The following MLLT3 variants were observed in gnomAD, a reference collection of about 807,000 sequenced individuals.
MLLT3 encodes the protein protein AF-9.
Under a neutral mutation model 53.2 loss-of-function variants are expected in MLLT3, and 4 were observed. The ratio of observed to expected loss-of-function variants is 0.08; its 90% confidence interval spans 0.04 to 0.17. The LOEUF is 0.17. Among genes scored for constraint, MLLT3 ranks in the 10% least tolerant of loss-of-function variants. The pLI, the probability that MLLT3 is intolerant of heterozygous loss-of-function variation, is 1.00. For synonymous variants in MLLT3, 283 were observed against 230.6 expected (o/e 1.23, Z -2.06); for missense variants, 569 against 684.0 (o/e 0.83, Z 1.87).
intron 2 of MLLT3, among the ~76,000 whole-genome samples, chr9:20,507,061 T>C (rs1446215025): frequency 6.6e-6 from 1 of 152,212 alleles, no homozygotes; most frequent in Admixed American, 6.5e-5. Flanking sequence ...CTAAAACCTT[T>C]AACAAGTAGG....
chr9:20,608,913 T>C (rs2188230), intron 2 of MLLT3, among the ~76,000 whole-genome samples: 81,275 of 151,722 alleles, frequency 0.54, 21,947 homozygotes, highest in Middle Eastern at 0.57. Context: ...CGATAGTATT[T>C]CTTCCCATCT....
chr9:20,346,627 GC>G, intron 10 of MLLT3, 53 bp from the exon 11 acceptor site: 1 of 1,573,910 alleles, frequency 6.4e-7, no homozygotes, highest in Non-Finnish European at 8.7e-7. Flanking sequence ...ACATCAAAAG[GC>G]AAAGAGAGAG....
intron 2 of MLLT3, among the ~76,000 whole-genome samples, chr9:20,486,219 CA>C (rs1304043942): frequency 6.6e-6 from 1 of 151,982 alleles, no homozygotes; most frequent in African/African-American, 2.4e-5. Context: ...AGGTAATATA[CA>C]AAAATATATA....
At chr9:20,369,976 CT>C (rs1456431099) in intron 5 of MLLT3, among the ~76,000 whole-genome samples, 2 of 152,154 alleles carry the variant, frequency 1.3e-5, no homozygotes, top group Non-Finnish European at 2.9e-5. Flanking sequence ...ATTTTTTCCC[CT>C]TCTTAATATA....
chr9:20,391,808 A>T (rs956502855), intron 5 of MLLT3, among the ~76,000 whole-genome samples: 1 of 152,222 alleles, frequency 6.6e-6, no homozygotes, highest in Non-Finnish European at 1.5e-5. Flanking sequence ...TAGAAGGAAG[A>T]TGTGTATGTG....
rs111940935 is a variant in MLLT3 at position 20,502,255 on chromosome 9, G to A, written c.194-45469C>T. On this transcript the variant is annotated intron_variant, in intron 2 of 10. Coordinates refer to ENST00000380338, the MANE Select transcript of MLLT3 (RefSeq NM_004529.4). Reference sequence around the variant, plus strand: ...ACCACAAATGAACCTGACTTGAAGTGTGGTTCCAGGTGCCTACCTTGTTAG... The same window carrying A: ...ACCACAAATGAACCTGACTTGAAGTATGGTTCCAGGTGCCTACCTTGTTAG... The A allele has an allele frequency of 8.0e-3, 1,236 of 154,330 alleles. 22 individuals are homozygous for A. Among genetic ancestry groups the A allele is most frequent in the African/African-American group, 0.027 (1,120 of 41,598 alleles). The allele number at this position is 154,330 out of a possible 1,614,324, so 9.6% of individuals were successfully genotyped here.
At chr9:20,389,819 A>C (rs1822141103) in intron 5 of MLLT3, among the ~76,000 whole-genome samples, 1 of 152,180 alleles carries the variant, frequency 6.6e-6, no homozygotes, top group Admixed American at 6.5e-5. Context: ...AGGGAAAGAA[A>C]ACCACTTTAA....
At chr9:20,351,907 G>A (rs1254520605) in intron 10 of MLLT3, among the ~76,000 whole-genome samples, 2 of 152,166 alleles carry the variant, frequency 1.3e-5, no homozygotes, top group Non-Finnish European at 2.9e-5. Flanking sequence ...TGCATTACAA[G>A]GCAAAAGGCC....
intron 2 of MLLT3, among the ~76,000 whole-genome samples, chr9:20,494,189 TGATTCCTAG>T (rs1825020198): frequency 6.6e-6 from 1 of 152,188 alleles, no homozygotes; most frequent in African/African-American, 2.4e-5. Context: ...TTGGCTTCCA[TGATTCCTAG>T]GAATTCTTTT....
At chr9:20,515,023 C>A (rs536701835) in intron 2 of MLLT3, among the ~76,000 whole-genome samples, 1 of 149,824 alleles carries the variant, frequency 6.7e-6, no homozygotes, top group South Asian at 2.1e-4. Flanking sequence ...CTCGGCTCAC[C>A]GCAACCTCTG....
chr9:20,469,353 G>A (rs1231315683), intron 2 of MLLT3, among the ~76,000 whole-genome samples: 2 of 152,052 alleles, frequency 1.3e-5, no homozygotes, highest in African/African-American at 2.4e-5. Context: ...GGCATAGCAC[G>A]TTATGTAAAA....
intron 2 of MLLT3, among the ~76,000 whole-genome samples, chr9:20,473,831 C>G (rs1198675565): frequency 6.6e-6 from 1 of 152,068 alleles, no homozygotes; most frequent in African/African-American, 2.4e-5. Flanking sequence ...TCATATACAA[C>G]AATGAAGTAC....
At chr9:20,544,717 C>A (rs1422868186) in intron 2 of MLLT3, among the ~76,000 whole-genome samples, 1 of 152,186 alleles carries the variant, frequency 6.6e-6, no homozygotes, top group Non-Finnish European at 1.5e-5. Context: ...TAGGATTCAG[C>A]AATCCCATTT....
intron 5 of MLLT3, among the ~76,000 whole-genome samples, chr9:20,401,306 T>C (rs1460507821): frequency 6.6e-6 from 1 of 152,222 alleles, no homozygotes; most frequent in East Asian, 1.9e-4. Context: ...ATTTTCTAAT[T>C]TAGGTTAATA....
At position 20,520,723 on chromosome 9, in the gene MLLT3, G is replaced by C. The variant is rs1359209077; in HGVS notation, c.194-63937C>G. On this transcript the variant is annotated intron_variant, in intron 2 of 10. Transcript: ENST00000380338. ...ACTGAGTCTTCAATTAGGAGCACAAGTTAGCCAATCCTAAGAAAAAGGGGA... is the reference window on the plus strand; with the variant it reads ...ACTGAGTCTTCAATTAGGAGCACAACTTAGCCAATCCTAAGAAAAAGGGGA... Among the ~76,000 whole-genome samples the C allele has an allele frequency of 3.9e-5, 6 of 152,180 alleles. No individual in the cohort carries two copies. In the East Asian group the frequency reaches 1.2e-3, roughly 29 times the overall value.
At chr9:20,550,749 A>C (rs1432097675) in intron 2 of MLLT3, among the ~76,000 whole-genome samples, 2 of 151,634 alleles carry the variant, frequency 1.3e-5, no homozygotes, top group Non-Finnish European at 1.5e-5. Flanking sequence ...ACAAAGTCTT[A>C]TTTATTTTAT....
chr9:20,497,516 A>C (rs1586996222), intron 2 of MLLT3, among the ~76,000 whole-genome samples: 1 of 152,186 alleles, frequency 6.6e-6, no homozygotes, highest in East Asian at 1.9e-4. Context: ...TGCATTTTAT[A>C]GAATTTTGTA....
intron 2 of MLLT3, among the ~76,000 whole-genome samples, chr9:20,608,187 G>C (rs1236343755): frequency 6.6e-6 from 1 of 151,762 alleles, no homozygotes; most frequent in Non-Finnish European, 1.5e-5. Flanking sequence ...TTGGAATTGA[G>C]TCTTTTATTT....
intron 2 of MLLT3, among the ~76,000 whole-genome samples, chr9:20,592,755 G>A (rs771434558): frequency 2.0e-5 from 3 of 152,102 alleles, no homozygotes; most frequent in Non-Finnish European, 4.4e-5. Context: ...AACACACTCA[G>A]GTCTAACCAG....
Sources: allele counts gnomAD v4.1 joint callset (sites outside exome capture counted in the v4.1 genomes callset), GRCh38; gene constraint gnomAD v4.1.1; transcripts MANE v1.5; gene names NCBI Gene and HGNC (gene_info 2026-07-23, HGNC 2026-07-21).